DEPDC5: variants seen among roughly 807,000 people sequenced by gnomAD.
DEPDC5 encodes the protein GATOR1 complex protein DEPDC5.
DEPDC5 carries 73 observed loss-of-function variants against 217.3 expected under a neutral mutation model. The ratio of observed to expected loss-of-function variants is 0.34; its 90% CI spans 0.28 to 0.41. The LOEUF is 0.41. Ranked by LOEUF, DEPDC5 falls within the 10% of genes least tolerant of loss-of-function variation. DEPDC5 has a pLI of 1.00. For missense variants in DEPDC5, 1,675 were observed against 2,070.1 expected, an observed-to-expected ratio of 0.81 and a Z score of 3.70; for synonymous variants, 733 against 756.7, an observed-to-expected ratio of 0.97 and a Z score of 0.51.
intron 2 of DEPDC5, among the ~76,000 whole-genome samples, chr22:31,758,229 AT>A (rs2082097118): frequency 6.6e-6 from 1 of 152,168 alleles, no homozygotes; most frequent in Non-Finnish European, 1.5e-5. Flanking sequence ...GATACACAAT[AT>A]TTGAGGGGGT....
intron 37 of DEPDC5, among the ~76,000 whole-genome samples, chr22:31,876,865 G>A (rs1480241003): frequency 6.6e-6 from 1 of 152,172 alleles, no homozygotes; most frequent in Non-Finnish European, 1.5e-5. Context: ...ATTCAGACCA[G>A]CATCTTGCCG....
At chr22:31,756,996 A>C (rs1339230251) in intron 2 of DEPDC5, among the ~76,000 whole-genome samples, 1 of 151,820 alleles carries the variant, frequency 6.6e-6, no homozygotes, top group Non-Finnish European at 1.5e-5. Flanking sequence ...TGCCAGACGT[A>C]ATGATTATGA....
chr22:31,811,216 C>T (rs895122545), intron 20 of DEPDC5, among the ~76,000 whole-genome samples: 5 of 152,006 alleles, frequency 3.3e-5, no homozygotes, highest in African/African-American at 1.2e-4. Context: ...ATTAAAGGCA[C>T]GTGCCACCAC....
At chr22:31,824,452 G>A (rs752007798) in intron 24 of DEPDC5, among the ~76,000 whole-genome samples, 48 of 152,044 alleles carry the variant, frequency 3.2e-4, no homozygotes, top group Non-Finnish European at 5.7e-4. Context: ...TATTCCTAGA[G>A]GCCTATGTCT....
intron 24 of DEPDC5, among the ~76,000 whole-genome samples, chr22:31,832,946 A>C (rs2090713147): frequency 2.0e-5 from 3 of 152,276 alleles, no homozygotes. Flanking sequence ...AGAAGTATTT[A>C]GAGTAAAAAG....
chr22:31,844,688 C>G, intron 29 of DEPDC5: 17 of 231,052 alleles, frequency 7.4e-5, no homozygotes, highest in East Asian at 2.7e-4. Flanking sequence ...CCTTTGTGGT[C>G]TTCCTTCAGA....
intron 33 of DEPDC5, among the ~76,000 whole-genome samples, chr22:31,863,369 G>T (rs968591544): frequency 3.9e-5 from 6 of 152,198 alleles, no homozygotes; most frequent in African/African-American, 1.4e-4. Context: ...GTTTCGCCAT[G>T]TTGGCCAGGC....
chr22:31,807,879 A>C (rs1423866760), intron 18 of DEPDC5, among the ~76,000 whole-genome samples: 1 of 152,142 alleles, frequency 6.6e-6, no homozygotes, highest in African/African-American at 2.4e-5. Context: ...GCTGTGTGTC[A>C]GGGCCTCTTA....
intron 27 of DEPDC5, among the ~76,000 whole-genome samples, chr22:31,840,812 A>G (rs1211789408): frequency 2.0e-5 from 3 of 152,214 alleles, no homozygotes; most frequent in African/African-American, 7.2e-5. Flanking sequence ...TTGAATACTA[A>G]GTGTGAGCCA....
intron 7 of DEPDC5, among the ~76,000 whole-genome samples, chr22:31,770,680 C>T (rs2083270806): frequency 6.6e-6 from 1 of 151,458 alleles, no homozygotes; most frequent in African/African-American, 2.4e-5. Flanking sequence ...GTGTGAGCTA[C>T]CTCACCCGGC....
chr22:31,783,535 C>T (rs777852628), intron 8 of DEPDC5, among the ~76,000 whole-genome samples: 1 of 152,036 alleles, frequency 6.6e-6, no homozygotes, highest in Non-Finnish European at 1.5e-5. Flanking sequence ...GTGGTGCACT[C>T]CCATAGTTCC....
At chr22:31,767,231 T>C (rs2082896330) in intron 6 of DEPDC5, among the ~76,000 whole-genome samples, 4 of 151,858 alleles carry the variant, frequency 2.6e-5, no homozygotes, top group Admixed American at 2.6e-4. Flanking sequence ...ACCTCTGTCG[T>C]CTGGGTTCAA....
chr22:31,756,132 C>T lies in DEPDC5; in HGVS notation c.58+1153C>T, dbSNP rs545860771. Among the ~76,000 whole-genome samples the T allele has an allele frequency of 2.6e-5, 4 of 151,866 alleles. No homozygotes were observed. In the South Asian group the frequency reaches 8.3e-4, roughly 32 times the overall value. ...TCCTGAGCTCAGGCAATCCGCCCAC[C>T]TTAGCCTCCCAAAGTGCTAGGATTA... On this transcript the variant is annotated intron_variant, in intron 2 of 42. Transcript: ENST00000651528.
At chr22:31,817,986 G>C (rs572254929) in intron 21 of DEPDC5, among the ~76,000 whole-genome samples, 1 of 152,302 alleles carries the variant, frequency 6.6e-6, no homozygotes, top group African/African-American at 2.4e-5. Flanking sequence ...TACAGTGTAT[G>C]AGGTTCTGTG....
intron 1 of DEPDC5, 28 bp downstream of exon 1, chr22:31,754,192 G>C (rs968754103): frequency 5.9e-5 from 9 of 153,762 alleles, no homozygotes; most frequent in African/African-American, 2.2e-4. Flanking sequence ...CCCCGGACTG[G>C]GGATTGGGGG....
intron 34 of DEPDC5, among the ~76,000 whole-genome samples, chr22:31,871,145 T>G (rs2092831599): frequency 6.6e-6 from 1 of 152,116 alleles, no homozygotes; most frequent in Non-Finnish European, 1.5e-5. Flanking sequence ...ACTGTTCTTC[T>G]TCTATTCCTT....
At chr22:31,839,532 G>A (rs530798861) in intron 27 of DEPDC5, among the ~76,000 whole-genome samples, 1 of 151,576 alleles carries the variant, frequency 6.6e-6, no homozygotes, top group Admixed American at 6.6e-5. Flanking sequence ...CCCCTCCCCT[G>A]ATCACCTAGT....
chr22:31,892,127 G>T (rs1360183977), intron 38 of DEPDC5, among the ~76,000 whole-genome samples: 1 of 152,230 alleles, frequency 6.6e-6, no homozygotes, highest in African/African-American at 2.4e-5. Context: ...GGTCTGTGCT[G>T]TTTGCCCATT....
chr22:31,866,881 A>G lies in DEPDC5; in HGVS notation c.3331-3709A>G, dbSNP rs893708403. On this transcript the variant is annotated intron_variant, in intron 33 of 42. Coordinates refer to ENST00000651528, the MANE Select transcript of DEPDC5 (RefSeq NM_001242896.3). Reference sequence around the variant, plus strand: ...TCAGTAGGTACCTGAGATCCACACAACATCACTGGCGACGATAATCTTCAT... The same window carrying G: ...TCAGTAGGTACCTGAGATCCACACAGCATCACTGGCGACGATAATCTTCAT... Among the ~76,000 whole-genome samples the G allele has an allele frequency of 4.6e-5, 7 of 152,250 alleles. No homozygotes were observed. In the East Asian group the frequency reaches 1.3e-3, roughly 29 times the overall value.
Sources: allele counts gnomAD v4.1 joint callset (sites outside exome capture counted in the v4.1 genomes callset), GRCh38; gene constraint gnomAD v4.1.1; transcripts MANE v1.5; gene names NCBI Gene and HGNC (gene_info 2026-07-23, HGNC 2026-07-21).